The following PCDHGA12 variants were observed in gnomAD, a reference collection of about 807,000 sequenced individuals.
PCDHGA12 encodes protocadherin gamma-A12.
In PCDHGA12, 43 loss-of-function variants were observed where a neutral mutation model predicts 61.1. The ratio of observed to expected loss-of-function variants is 0.70; its 90% CI spans 0.55 to 0.91. The LOEUF is 0.91. Ranked by LOEUF, PCDHGA12 falls within the 40% of genes least tolerant of loss-of-function variation. The probability of loss-of-function intolerance (pLI) is 0.00; values close to 1 mark genes in which losing one functional copy is unlikely to be tolerated. For missense variants in PCDHGA12, 1,236 were observed against 1,227.7 expected, an observed-to-expected ratio of 1.01 and a Z score of -0.10; for synonymous variants, 520 against 542.9, an observed-to-expected ratio of 0.96 and a Z score of 0.59.
intron 1 of PCDHGA12, among the ~76,000 whole-genome samples, chr5:141,465,319 T>A (rs184635197): frequency 4.6e-5 from 7 of 152,324 alleles, no homozygotes; most frequent in Admixed American, 1.3e-4. Flanking sequence ...GCCATGTCAA[T>A]GCAGTATTTT....
intron 1 of PCDHGA12, chr5:141,478,920 CCAGTGG>C: frequency 2.7e-6 from 2 of 728,392 alleles, no homozygotes; most frequent in South Asian, 4.5e-5. Flanking sequence ...ATACCTCTAA[CCAGTGG>C]CAGCTTCTAG....
chr5:141,489,723 T>C lies in PCDHGA12; in HGVS notation c.2425-5084T>C, dbSNP rs900332220. ...CACTGGACAGTGCCCAGGATCCGGA[T>C]GTGGGCACCAATACTGTGAGCTTTT... On this transcript the variant is annotated intron_variant, in intron 1 of 3. Coordinates refer to ENST00000252085, the MANE Select transcript of PCDHGA12 (RefSeq NM_003735.3). This position sits in a 1 kb window ranked among gnomAD's most constrained non-coding sequence, Gnocchi z 4.5. 4.3e-6 allele frequency: 7 copies of C among 1,613,958 alleles called. No homozygotes were observed. The highest frequency in any genetic ancestry group is 5.9e-6 in the Non-Finnish European group (7 of 1,179,940).
intron 1 of PCDHGA12, among the ~76,000 whole-genome samples, chr5:141,472,122 G>A (rs898092092): frequency 6.6e-6 from 1 of 152,176 alleles, no homozygotes; most frequent in African/African-American, 2.4e-5. Flanking sequence ...GAAAATAAAA[G>A]AGAAGTTAAA....
In PCDHGA12 at chr5:141,432,536, G is replaced by A. The variant is rs767744134; in HGVS notation, c.1777G>A (p.Ala593Thr). 6.2e-7 allele frequency: 1 copy of A among 1,614,050 alleles called. No individual in the cohort carries two copies. Among genetic ancestry groups the A allele is most frequent in the Non-Finnish European group, 8.5e-7 (1 of 1,180,006 alleles). Residue 593 changes from alanine to threonine, a missense_variant, in exon 1 of 4, where the codon GCG becomes ACG. Physicochemically the swap from Ala to Thr is moderately conservative, Grantham distance 58. Coordinates refer to ENST00000252085, the MANE Select transcript of PCDHGA12 (RefSeq NM_003735.3). This position sits in a 1 kb window ranked among gnomAD's most constrained non-coding sequence, Gnocchi z 6.0. ...CGGCTACCTGGTGACCAAGGTGGTG[G>A]CGGTGGACAGAGACTCCGGCCAGAA... ...EPGYLVTKVV[A>T]VDRDSGQNAW...
At chr5:141,467,736 G>T (rs1435480730) in intron 1 of PCDHGA12, among the ~76,000 whole-genome samples, 1 of 151,902 alleles carries the variant, frequency 6.6e-6, no homozygotes, top group Admixed American at 6.6e-5. Context: ...ATCCCAGCTC[G>T]CTGCAACCTC....
At chr5:141,497,461 A>G (rs541848982) in intron 2 of PCDHGA12, among the ~76,000 whole-genome samples, 2 of 151,526 alleles carry the variant, frequency 1.3e-5, no homozygotes, top group Admixed American at 1.3e-4. Context: ...GCTCTTGGAG[A>G]TATGGAGGAG....
chr5:141,438,714 G>A (rs1051491309), intron 1 of PCDHGA12, among the ~76,000 whole-genome samples: 1 of 147,786 alleles, frequency 6.8e-6, no homozygotes, highest in South Asian at 2.2e-4. Flanking sequence ...AGGCTGGAGT[G>A]CAAGTGGTGT....
At chr5:141,466,027 CAGG>C (rs1174989171) in intron 1 of PCDHGA12, among the ~76,000 whole-genome samples, 1 of 151,890 alleles carries the variant, frequency 6.6e-6, no homozygotes, top group African/African-American at 2.4e-5. Context: ...GAGGGTGAGG[CAGG>C]AGAACGGCAT....
chr5:141,474,083 A>G (rs771906750), intron 1 of PCDHGA12, among the ~76,000 whole-genome samples: 2 of 152,190 alleles, frequency 1.3e-5, no homozygotes, highest in African/African-American at 2.4e-5. Flanking sequence ...AACAAAAACC[A>G]AAAAACAAAC....
intron 1 of PCDHGA12, among the ~76,000 whole-genome samples, chr5:141,484,288 C>T (rs1300726429): frequency 6.6e-6 from 1 of 152,176 alleles, no homozygotes; most frequent in African/African-American, 2.4e-5. Context: ...AAACATCTCC[C>T]TCTCCTGGCT....
At chr5:141,456,058 C>T (rs1488082918) in intron 1 of PCDHGA12, among the ~76,000 whole-genome samples, 3 of 151,880 alleles carry the variant, frequency 2.0e-5, no homozygotes, top group Admixed American at 6.6e-5. Context: ...CCACCACGTC[C>T]GGCTAATTTT....
In PCDHGA12 at chr5:141,512,394, C is replaced by A. The variant is rs750967336; in HGVS notation, c.*1221C>A. 1 of 152,706 alleles carries A rather than the reference C, an allele frequency of 6.5e-6. No homozygotes were observed. The highest frequency in any genetic ancestry group is 1.5e-5 in the Non-Finnish European group (1 of 68,084). The allele number at this position is 152,706 out of a possible 1,614,324, so 9.5% of individuals were successfully genotyped here. ...GACCAAATGAACAGAAAGTCTCAGC[C>A]CAGGATGGGGCTTCTTCAACAGGGC... is the stretch of plus-strand genomic sequence containing the variant. On this transcript the variant is annotated 3_prime_UTR_variant, in exon 4 of 4. Transcript: ENST00000252085.
At chr5:141,444,138 C>CTTGTGTG (rs2098418688) in intron 1 of PCDHGA12, among the ~76,000 whole-genome samples, 1 of 122,946 alleles carries the variant, frequency 8.1e-6, no homozygotes, top group South Asian at 2.7e-4. Flanking sequence ...ATATGTGTCA[C>CTTGTGTG]TTGTGTGTAC....
rs148331367 is a variant in PCDHGA12 at position 141,435,055 on chromosome 5, A to C, written c.2424+1872A>C. ...TTTATTTTTTTCCCATTGACCATGC[A>C]GCAGTTTTGTGTAGACCGTCTGATA... On this transcript the variant is annotated intron_variant, in intron 1 of 3. Transcript: ENST00000252085. Among the ~76,000 whole-genome samples, 21 of 152,242 alleles carry C rather than the reference A, an allele frequency of 1.4e-4. No individual in the cohort carries two copies. The East Asian group carries it at 4.0e-3, about 29-fold the overall frequency.
At position 141,487,444 on chromosome 5, in the gene PCDHGA12, T is replaced by G; in HGVS notation, c.2425-7363T>G. 1 of 1,614,194 alleles carries G rather than the reference T, an allele frequency of 6.2e-7. No individual in the cohort carries two copies. The highest frequency in any genetic ancestry group is 8.5e-7 in the Non-Finnish European group (1 of 1,180,040). ...TCCTCCGAATCCAGCTAGGGTCAGA[T>G]GACCCTATCAAGTTTGTTGATGTGG... On this transcript the variant is annotated intron_variant, in intron 1 of 3. Transcript: ENST00000252085. This position sits in a 1 kb window ranked among gnomAD's most constrained non-coding sequence, Gnocchi z 5.0.
Position 141,431,364 on chromosome 5 carries a change from G to T in PCDHGA12, c.605G>T (p.Arg202Leu), listed in dbSNP as rs773688069. 3 of 1,613,892 alleles carry T rather than the reference G, an allele frequency of 1.9e-6. No individual in the cohort carries two copies. The East Asian group carries it at 6.7e-5, about 36-fold the overall frequency. ...TTGGTGCTGAAACGCGCCCTGGACC[G>T]CGAAGAAAAGGCTGCTCACCACCTG... The part of the protein sequence containing the change: ...PELVLKRALD[R>L]EEKAAHHLVL... Residue 202 changes from arginine (R) to leucine (L), a missense_variant, in exon 1 of 4, where the codon CGC becomes CTC. Coordinates refer to ENST00000252085, the MANE Select transcript of PCDHGA12 (RefSeq NM_003735.3). The surrounding 1 kb of genome is among the most constrained non-coding windows in gnomAD (Gnocchi z 4.8).
Position 141,431,592 on chromosome 5 carries a change from G to A in PCDHGA12, c.833G>A (p.Arg278Lys), listed in dbSNP as rs1429358254. 2.5e-6 allele frequency: 4 copies of A among 1,614,100 alleles called. No individual in the cohort carries two copies. The Admixed American group carries it at 6.7e-5, about 27-fold the overall frequency. The stretch of plus-strand genomic sequence containing the variant: ...GACGAAGGAGTCAATGCGGAAGTGA[G>A]GTATTCCTTCCGGTATGTGGACGAC... Reference protein sequence around the residue: ...DPDEGVNAEVRYSFRYVDDKA... With the variant: ...DPDEGVNAEVKYSFRYVDDKA... The change falls in exon 1 of 4, where the codon AGG becomes AAG. Residue 278 changes from arginine to lysine, a missense_variant. Transcript: ENST00000252085. The surrounding 1 kb of genome is among the most constrained non-coding windows in gnomAD (Gnocchi z 4.8).
chr5:141,451,001 A>T (rs909477017), intron 1 of PCDHGA12, among the ~76,000 whole-genome samples: 2 of 148,266 alleles, frequency 1.3e-5, no homozygotes, highest in Middle Eastern at 3.4e-3. Context: ...ATTTTTTTGT[A>T]TTTTTTTTAG....
In PCDHGA12 at chr5:141,476,208, C is replaced by A. The variant is rs1266601125; in HGVS notation, c.2425-18599C>A. 1.2e-6 allele frequency: 2 copies of A among 1,613,912 alleles called. No homozygotes were observed. Among genetic ancestry groups the A allele is most frequent in the East Asian group, 4.5e-5 (2 of 44,826 alleles). On this transcript the variant is annotated intron_variant, in intron 1 of 3. Coordinates refer to ENST00000252085, the MANE Select transcript of PCDHGA12 (RefSeq NM_003735.3). The surrounding 1 kb of genome is among the most constrained non-coding windows in gnomAD (Gnocchi z 7.6). ...CTTGGTGCCTTGAACAAGGCTTCCA[C>A]GGTCATTCACTATGAGATCCCGGAG...
Sources: allele counts gnomAD v4.1 joint callset (sites outside exome capture counted in the v4.1 genomes callset), GRCh38; gene constraint gnomAD v4.1.1; non-coding constraint Gnocchi (gnomAD v3.1); transcripts MANE v1.5; gene names NCBI Gene and HGNC (gene_info 2026-07-23, HGNC 2026-07-21).